NUP58: variants seen among roughly 807,000 people sequenced by gnomAD.
The protein encoded by NUP58 is nucleoporin p58/p45.
In NUP58, 17 loss-of-function variants were observed where a neutral mutation model predicts 70.1. The ratio of observed to expected loss-of-function variants is 0.24; its 90% confidence interval spans 0.17 to 0.36. The LOEUF is 0.36. Ranked by LOEUF, NUP58 falls within the 10% of genes least tolerant of loss-of-function variation. The pLI is 1.00. For synonymous variants in NUP58, 275 were observed against 257.6 expected, an observed-to-expected ratio of 1.07 and a Z score of -0.65; for missense variants, 644 against 701.5, an observed-to-expected ratio of 0.92 and a Z score of 0.93.
In NUP58 at chr13:25,303,298, G is replaced by C. The variant is rs943298914; in HGVS notation, c.107+1418G>C. ...AACCTCTGGGGACTCATCTTGAGCG[G>C]GACTCATCTTGAGCCCATCTTTTTA... On this transcript the variant is annotated intron_variant, in intron 1 of 15. Coordinates refer to ENST00000381736, the MANE Select transcript of NUP58 (RefSeq NM_014089.4). 8.4e-6 allele frequency: 3 copies of C among 357,414 alleles called. No homozygotes were observed. The Admixed American group carries it at 1.2e-4, about 14-fold the overall frequency. 22.1% of individuals were successfully genotyped at this position (357,414 alleles called of 1,614,324 possible).
At chr13:25,330,818 A>T (rs1247515290) in intron 12 of NUP58, among the ~76,000 whole-genome samples, 2 of 152,314 alleles carry the variant, frequency 1.3e-5, no homozygotes, top group Middle Eastern at 3.4e-3. Context: ...AGAAGCCCTC[A>T]TCATACCCTC....
At chr13:25,308,841 G>A (rs554097683) in intron 2 of NUP58, among the ~76,000 whole-genome samples, 12 of 151,856 alleles carry the variant, frequency 7.9e-5, no homozygotes, top group South Asian at 4.2e-4. Flanking sequence ...TACTTTTTGC[G>A]TTGATCTTCC....
chr13:25,305,130 G>GTTTTTTTTTTTT (rs562132125), intron 1 of NUP58, among the ~76,000 whole-genome samples: 32 of 58,562 alleles, frequency 5.5e-4, no homozygotes, highest in East Asian at 2.6e-3. Flanking sequence ...GATCTGTGGG[G>GTTTTTTTTTTTT]TTTTTTTTTT....
chr13:25,322,549 G>C (rs2031230255), intron 9 of NUP58, among the ~76,000 whole-genome samples: 1 of 152,196 alleles, frequency 6.6e-6, no homozygotes, highest in Non-Finnish European at 1.5e-5. Flanking sequence ...TCATGGGATA[G>C]GTTACAGTTA....
intron 4 of NUP58, 121 bp from the exon 5 acceptor site, chr13:25,313,493 A>T: frequency 1.2e-6 from 1 of 863,350 alleles, no homozygotes; most frequent in Non-Finnish European, 1.7e-6. Flanking sequence ...TTTAGCAAGT[A>T]GTTCTTCCAA....
At chr13:25,339,775 G>T (rs1177423405) in intron 15 of NUP58, among the ~76,000 whole-genome samples, 190 bp from the exon 16 acceptor site, 2 of 151,908 alleles carry the variant, frequency 1.3e-5, no homozygotes, top group African/African-American at 2.4e-5. Flanking sequence ...TCTCTTTCAG[G>T]GTGCCACTTA....
intron 14 of NUP58, 135 bp from the exon 15 acceptor site, chr13:25,338,498 AAGC>A (rs1287431812): frequency 8.7e-6 from 5 of 574,946 alleles, no homozygotes; most frequent in Non-Finnish European, 1.6e-5. Context: ...GCAAAGGAGT[AAGC>A]AGATTTCCTT....
chr13:25,309,339 TTGAG>T (rs2030539561), intron 3 of NUP58, 57 bp downstream of exon 3: 1 of 1,293,628 alleles, frequency 7.7e-7, no homozygotes, highest in Non-Finnish European at 1.1e-6. Flanking sequence ...TTTTAATAAA[TTGAG>T]TGATCTTTCT....
chr13:25,334,352 G>C (rs2031711401), intron 13 of NUP58: 2 of 985,202 alleles, frequency 2.0e-6, no homozygotes, highest in East Asian at 1.1e-4. Context: ...AAGAGTTCTT[G>C]ATGTTTACAT....
At chr13:25,318,592 G>A (rs1033281524) in intron 6 of NUP58, among the ~76,000 whole-genome samples, 10 of 152,176 alleles carry the variant, frequency 6.6e-5, no homozygotes, top group African/African-American at 1.7e-4. Flanking sequence ...AGAAAAGTGT[G>A]CAAATCACAA....
chr13:25,336,230 G>A, intron 13 of NUP58: 1 of 1,367,276 alleles, frequency 7.3e-7, no homozygotes, highest in Non-Finnish European at 9.8e-7. Flanking sequence ...GTGGTGTAAT[G>A]TAGCAGAGCT....
intron 2 of NUP58, 103 bp downstream of exon 2, chr13:25,308,051 C>T (rs1396106820): frequency 1.1e-5 from 15 of 1,311,194 alleles, no homozygotes; most frequent in African/African-American, 1.5e-5. Context: ...GGTAGTAGAC[C>T]TTAAAAAATG....
intron 3 of NUP58, 30 bp from the exon 4 acceptor site, chr13:25,312,853 G>C (rs1278138624): frequency 6.4e-7 from 1 of 1,553,952 alleles, no homozygotes; most frequent in Non-Finnish European, 8.7e-7. Flanking sequence ...ATTTTTGTTT[G>C]TTTGTTTATT....
At chr13:25,331,010 G>T (rs2031583374) in intron 12 of NUP58, among the ~76,000 whole-genome samples, 1 of 151,956 alleles carries the variant, frequency 6.6e-6, no homozygotes, top group African/African-American at 2.4e-5. Context: ...TGAAAAACTG[G>T]AATATTTATT....
Position 25,340,801 on chromosome 13 carries a change from C to A in NUP58, c.*667C>A, listed in dbSNP as rs1343347198. 1 of 151,864 alleles carries A rather than the reference C, an allele frequency of 6.6e-6. No homozygotes were observed. Among genetic ancestry groups the A allele is most frequent in the Non-Finnish European group, 1.5e-5 (1 of 67,964 alleles). 9.4% of individuals were successfully genotyped at this position (151,864 alleles called of 1,614,324 possible). A position where few individuals can be genotyped will look rare whatever the true frequency, so the allele number is the denominator to read the frequency against. ...GGCATAGTGGCGGGTACCTATAATCCCAGCTACTCGGGAGGCTGAGGCACG... is the reference window on the plus strand; with the variant it reads ...GGCATAGTGGCGGGTACCTATAATCACAGCTACTCGGGAGGCTGAGGCACG... On this transcript the variant is annotated 3_prime_UTR_variant, in exon 16 of 16. Coordinates refer to ENST00000381736, the MANE Select transcript of NUP58 (RefSeq NM_014089.4).
chr13:25,327,345 A>G (rs2031434838), intron 11 of NUP58, 85 bp from the exon 12 acceptor site: 3 of 870,028 alleles, frequency 3.4e-6, no homozygotes, highest in Non-Finnish European at 5.3e-6. Flanking sequence ...TAACTGTGCC[A>G]AAAATTGGAC....
At chr13:25,342,555 G>A (rs2031986532), downstream of NUP58, 1 of 152,474 alleles carries the variant, frequency 6.6e-6, no homozygotes, top group South Asian at 2.1e-4. Context: ...ACATAAGATA[G>A]TAAATTATTT....
rs538499337 is a variant in NUP58 at position 25,331,068 on chromosome 13, A to G, written c.1234-289A>G. ...ATCTGCACATTGATGGAGTATTTAA[A>G]TATTACTCTGTCTAAAAGCTTAGCT... is the stretch of plus-strand genomic sequence containing the variant. On this transcript the variant is annotated intron_variant, in intron 12 of 15. Coordinates refer to ENST00000381736, the MANE Select transcript of NUP58 (RefSeq NM_014089.4). 2.0e-5 allele frequency among the ~76,000 whole-genome samples: 3 copies of G among 152,308 alleles called. No homozygotes were observed. The South Asian group carries it at 6.2e-4, about 32-fold the overall frequency.
rs532632606 is a variant in NUP58 at position 25,322,683 on chromosome 13, G to A, written c.951+1590G>A. Among the ~76,000 whole-genome samples the A allele has an allele frequency of 3.5e-4, 54 of 152,288 alleles. 1 individual carries two copies. In the South Asian group the frequency reaches 0.011, roughly 30 times the overall value. On this transcript the variant is annotated intron_variant, in intron 9 of 15. Transcript: ENST00000381736. ...TCTATCCCCTATTCCCAAGGTGCCT[G>A]ATTTTATGTATGCAGATATTCCAGA...
Sources: allele counts gnomAD v4.1 joint callset (sites outside exome capture counted in the v4.1 genomes callset), GRCh38; gene constraint gnomAD v4.1.1; transcripts MANE v1.5; gene names NCBI Gene and HGNC (gene_info 2026-07-23, HGNC 2026-07-21).